The following SPRTN variants were observed in gnomAD, a reference collection of about 807,000 sequenced individuals.
SPRTN encodes SprT-like N-terminal domain, also known as DNA-dependent metalloprotease SPRTN.
A neutral mutation model predicts 31.9 loss-of-function variants in SPRTN; 11 were observed. The ratio of observed to expected loss-of-function variants is 0.34; its 90% CI spans 0.22 to 0.57. SPRTN has a LOEUF of 0.57. Among genes scored for constraint, SPRTN ranks in the 20% least tolerant of loss-of-function variants. The pLI is 0.86. For missense variants in SPRTN, 482 were observed against 590.1 expected (o/e 0.82, Z 1.90); for synonymous variants, 185 against 212.1 (o/e 0.87, Z 1.11).
chr1:231,342,928 G>T (rs919290212), intron 2 of SPRTN, among the ~76,000 whole-genome samples: 1 of 151,630 alleles, frequency 6.6e-6, no homozygotes, highest in African/African-American at 2.4e-5. Flanking sequence ...TACTAGAGAC[G>T]GGGTTTCATC....
At chr1:231,342,972 C>G (rs1314740722) in intron 2 of SPRTN, among the ~76,000 whole-genome samples, 2 of 150,966 alleles carry the variant, frequency 1.3e-5, no homozygotes, top group Admixed American at 1.3e-4. Context: ...CTCCTGACCT[C>G]GTGATCCGCC....
rs761683631 is a variant in SPRTN at position 231,338,364 on chromosome 1, C to T, written c.-20C>T. 1.9e-6 allele frequency: 3 copies of T among 1,612,002 alleles called. No homozygotes were observed. The highest frequency in any genetic ancestry group is 4.5e-5 in the East Asian group (2 of 44,862). On this transcript the variant is annotated 5_prime_UTR_variant, in exon 1 of 5. Coordinates refer to ENST00000295050, the MANE Select transcript of SPRTN (RefSeq NM_032018.7). The stretch of plus-strand genomic sequence containing the variant: ...GAGCCAGCCTGACGCCGGCGGACCC[C>T]GCCTGTGATCCTGGCAACGATGGAT...
At chr1:231,339,733 C>G (rs780454862) in intron 1 of SPRTN, 36 bp from the exon 2 acceptor site, 1 of 1,607,142 alleles carries the variant, frequency 6.2e-7, no homozygotes, top group Non-Finnish European at 8.5e-7. Flanking sequence ...GCATATTTGG[C>G]CAATGTAACA....
Position 231,352,767 on chromosome 1 carries a change from T to A in SPRTN, c.876T>A (p.Asn292Lys), listed in dbSNP as rs1687278839. The A allele has an allele frequency of 6.2e-7, 1 of 1,614,000 alleles. No individual in the cohort carries two copies. The highest frequency in any genetic ancestry group is 1.3e-5 in the African/African-American group (1 of 74,932). The change falls in exon 5 of 5, where the codon AAT (asparagine) becomes AAA (lysine). Residue 292 changes from asparagine (N) to lysine (K), a missense_variant. Physicochemically the swap from Asn to Lys is moderately conservative, Grantham distance 94. This residue lies in a region of SPRTN where 325 missense variants were observed against 350.2 expected (regional missense o/e 0.93). Transcript: ENST00000295050. ...QDLLNQNHSA[N>K]AVRPNSKIKV... ...TTTTAAATCAAAACCATTCAGCAAA[T>A]GCTGTAAGACCTAATTCTAAAATCA...
At chr1:231,341,672 T>C (rs1686894996) in intron 2 of SPRTN, among the ~76,000 whole-genome samples, 1 of 152,180 alleles carries the variant, frequency 6.6e-6, no homozygotes, top group Admixed American at 6.5e-5. Flanking sequence ...TTATGAGGCA[T>C]AAATTAGCAG....
chr1:231,347,295 C>CAA (rs1215017655), intron 2 of SPRTN, among the ~76,000 whole-genome samples: 2 of 152,206 alleles, frequency 1.3e-5, no homozygotes, highest in Admixed American at 6.5e-5. Context: ...ATGCTCAACT[C>CAA]ATATGCAATA....
At chr1:231,343,749 T>C (rs1328399512) in intron 2 of SPRTN, among the ~76,000 whole-genome samples, 1 of 152,092 alleles carries the variant, frequency 6.6e-6, no homozygotes, top group Admixed American at 6.6e-5. Context: ...CTAAGGCTCT[T>C]GTTCTGTCCC....
In SPRTN at chr1:231,345,103, TTTTTC is replaced by T. The variant is rs562926501; in HGVS notation, c.322-2675_322-2671del. 1.1e-3 allele frequency among the ~76,000 whole-genome samples: 174 copies of T among 152,202 alleles called. 1 individual carries two copies. The highest frequency in any genetic ancestry group is 3.5e-3 in the African/African-American group (146 of 41,554). On this transcript the variant is annotated intron_variant, in intron 2 of 4. Coordinates refer to ENST00000295050, the MANE Select transcript of SPRTN (RefSeq NM_032018.7). ...CATTCTTCTGTACTTTGTCTTTTTCTTTTTCTTTTCTTTTCTTTTCTTTCTTTCTT... is the reference window on the plus strand; with the variant it reads ...CATTCTTCTGTACTTTGTCTTTTTCTTTTTCTTTTCTTTTCTTTCTTTCTT...
At position 231,338,660 on chromosome 1, in the gene SPRTN, C is replaced by T. The variant is rs1686765944; in HGVS notation, c.221+56C>T. On this transcript the variant is annotated intron_variant, in intron 1 of 4. Transcript: ENST00000295050. ...CGGGACTGGCAGCTTTCCTGCAGCC[C>T]CCGGCCCTGGTTTTCTCTCCTTTCT... 1.9e-6 allele frequency: 3 copies of T among 1,600,768 alleles called. No homozygotes were observed. In the South Asian group the frequency reaches 3.3e-5, roughly 18 times the overall value.
In SPRTN at chr1:231,351,580, G is replaced by A. The variant is rs373426630; in HGVS notation, c.718+9G>A. The A allele has an allele frequency of 1.3e-5, 21 of 1,612,570 alleles. No homozygotes were observed. The highest frequency in any genetic ancestry group is 3.3e-5 in the South Asian group (3 of 90,918). ...GGCCGCAGAGAATAAAGGTACCTTCGTGTATATTCTTCTGATTTTTATGTG... is the reference window on the plus strand; with the variant it reads ...GGCCGCAGAGAATAAAGGTACCTTCATGTATATTCTTCTGATTTTTATGTG... On this transcript the variant is annotated intron_variant, in intron 4 of 4. Coordinates refer to ENST00000295050, the MANE Select transcript of SPRTN (RefSeq NM_032018.7).
At chr1:231,342,394 A>G (rs191667085) in intron 2 of SPRTN, among the ~76,000 whole-genome samples, 2 of 152,272 alleles carry the variant, frequency 1.3e-5, no homozygotes, top group Admixed American at 6.5e-5. Context: ...GTGGTCCCAT[A>G]AGATTATAAG....
intron 1 of SPRTN, 189 bp from the exon 2 acceptor site, chr1:231,339,580 C>T: frequency 1.3e-6 from 1 of 754,126 alleles, no homozygotes; most frequent in Non-Finnish European, 2.3e-6. Context: ...GGGATCGGAG[C>T]CATCGCGGGA....
chr1:231,343,162 C>T (rs751475163), intron 2 of SPRTN, among the ~76,000 whole-genome samples: 40 of 151,990 alleles, frequency 2.6e-4, no homozygotes, highest in Non-Finnish European at 3.5e-4. Flanking sequence ...TGCCTAGGAG[C>T]GGCAGGCTAT....
intron 1 of SPRTN, among the ~76,000 whole-genome samples, chr1:231,339,044 G>A (rs1453551474): frequency 1.3e-5 from 2 of 152,162 alleles, no homozygotes; most frequent in South Asian, 2.1e-4. Flanking sequence ...TAGTTAGCTC[G>A]TGTGTTGCAT....
Position 231,353,693 on chromosome 1 carries a change from A to T in SPRTN, c.*332A>T, listed in dbSNP as rs1189740291. On this transcript the variant is annotated 3_prime_UTR_variant, in exon 5 of 5. Coordinates refer to ENST00000295050, the MANE Select transcript of SPRTN (RefSeq NM_032018.7). ...TTTGTATACTTTCCTAAAAATATTC[A>T]TATGGGGAATCCTGTCAGGTGTTTG... is the stretch of plus-strand genomic sequence containing the variant. 2.0e-6 allele frequency: 2 copies of T among 998,218 alleles called. No homozygotes were observed. The highest frequency in any genetic ancestry group is 8.5e-5 in the South Asian group (2 of 23,434). 61.8% of individuals were successfully genotyped at this position (998,218 alleles called of 1,614,324 possible).
intron 2 of SPRTN, among the ~76,000 whole-genome samples, chr1:231,346,104 C>T (rs1282105460): frequency 2.0e-5 from 3 of 151,994 alleles, no homozygotes; most frequent in Admixed American, 2.0e-4. Flanking sequence ...CATGAGCCAC[C>T]ACGCCTGACC....
chr1:231,353,462 A>G lies in SPRTN; in HGVS notation c.*101A>G, dbSNP rs957691146. The G allele has an allele frequency of 6.9e-7, 1 of 1,454,932 alleles. No individual in the cohort carries two copies. The highest frequency in any genetic ancestry group is 2.1e-4 in the Middle Eastern group (1 of 4,826). 90.1% of individuals were successfully genotyped at this position (1,454,932 alleles called of 1,614,324 possible). A position where few individuals can be genotyped will look rare whatever the true frequency, so the allele number is the denominator to read the frequency against. The stretch of plus-strand genomic sequence containing the variant: ...TTAATACTAAGATTTGTAGGTTATA[A>G]TCTAGTTCACATAACCAATAGAAAG... On this transcript the variant is annotated 3_prime_UTR_variant, in exon 5 of 5. Transcript: ENST00000295050.
At chr1:231,343,753 C>T (rs1293549058) in intron 2 of SPRTN, among the ~76,000 whole-genome samples, 1 of 152,088 alleles carries the variant, frequency 6.6e-6, no homozygotes, top group Non-Finnish European at 1.5e-5. Context: ...GGCTCTTGTT[C>T]TGTCCCCTTT....
At chr1:231,339,536 G>A in intron 1 of SPRTN, 2 of 723,228 alleles carry the variant, frequency 2.8e-6, no homozygotes, top group South Asian at 1.5e-5. Flanking sequence ...AAGCAGGGTG[G>A]TGAGAGCACG....
Sources: gnomAD v4.1 joint callset for allele counts (sites outside exome capture counted in the v4.1 genomes callset) on GRCh38, gnomAD v4.1.1 for gene constraint, gnomAD v4.1.1 regional missense constraint, MANE v1.5 for transcripts, NCBI Gene and HGNC (gene_info 2026-07-23, HGNC 2026-07-21) for gene names.